Variants in DOCK10 observed in about 807,000 individuals in gnomAD.
DOCK10 encodes dedicator of cytokinesis protein 10.
Under a neutral mutation model 280.1 loss-of-function variants are expected in DOCK10, and 145 were observed. The observed-to-expected ratio is 0.52, with a 90% CI of 0.45 to 0.59. The LOEUF is 0.59. Among genes scored for constraint, DOCK10 ranks in the 20% least tolerant of loss-of-function variants. DOCK10 has a pLI of 0.00. For synonymous variants in DOCK10, 915 were observed against 942.2 expected, an observed-to-expected ratio of 0.97 and a Z score of 0.53; for missense variants, 2,368 against 2,651.7, an observed-to-expected ratio of 0.89 and a Z score of 2.35.
intron 1 of DOCK10, among the ~76,000 whole-genome samples, chr2:224,991,464 T>C (rs1230038949): frequency 6.6e-6 from 1 of 152,202 alleles, no homozygotes; most frequent in Non-Finnish European, 1.5e-5. Flanking sequence ...ATTATCATTA[T>C]TACAACTATT....
chr2:224,851,762 TA>T (rs1283621702), intron 18 of DOCK10, among the ~76,000 whole-genome samples: 2 of 152,154 alleles, frequency 1.3e-5, no homozygotes, highest in Non-Finnish European at 2.9e-5. Flanking sequence ...ATCCCTAAAA[TA>T]AAAACCACAT....
At chr2:224,935,959 G>C (rs1702666565) in intron 1 of DOCK10, among the ~76,000 whole-genome samples, 2 of 152,150 alleles carry the variant, frequency 1.3e-5, no homozygotes, top group South Asian at 2.1e-4. Context: ...TAACAAGATG[G>C]AGAAAATATA....
chr2:224,814,439 G>T, intron 30 of DOCK10, 75 bp from the exon 31 acceptor site: 1 of 749,610 alleles, frequency 1.3e-6, no homozygotes, highest in East Asian at 3.1e-5. Context: ...ATTATGTGTA[G>T]TTTATACTGA....
intron 28 of DOCK10, among the ~76,000 whole-genome samples, chr2:224,820,396 A>G (rs1296242837): frequency 6.6e-6 from 1 of 152,238 alleles, no homozygotes; most frequent in African/African-American, 2.4e-5. Context: ...ATAGTTCCCA[A>G]CGCAGGATCT....
At chr2:225,020,268 A>T (rs1365719778) in intron 1 of DOCK10, among the ~76,000 whole-genome samples, 1 of 152,120 alleles carries the variant, frequency 6.6e-6, no homozygotes, top group East Asian at 1.9e-4. Flanking sequence ...TGTCCTTGAC[A>T]TTTTGTGGAG....
At chr2:224,985,928 T>C (rs548211862) in intron 1 of DOCK10, among the ~76,000 whole-genome samples, 6 of 152,366 alleles carry the variant, frequency 3.9e-5, no homozygotes, top group East Asian at 1.9e-4. Context: ...ATAATGTCCA[T>C]TGAAAGTGTT....
intron 1 of DOCK10, among the ~76,000 whole-genome samples, chr2:224,985,635 A>T (rs369964920): frequency 1.3e-5 from 2 of 151,618 alleles, no homozygotes; most frequent in African/African-American, 4.8e-5. Flanking sequence ...AGGAGGAAAA[A>T]AAAAAAGAGA....
chr2:224,801,084 T>C lies in DOCK10; in HGVS notation c.4394-821A>G, dbSNP rs943096732. On this transcript the variant is annotated intron_variant, in intron 40 of 55. Coordinates refer to ENST00000258390, the MANE Select transcript of DOCK10 (RefSeq NM_014689.3). ...ATTGTGGAGACCAACATTCTTATTATGTAGATGAAGCCTCCAGATGGCAGA... is the reference window on the plus strand; with the variant it reads ...ATTGTGGAGACCAACATTCTTATTACGTAGATGAAGCCTCCAGATGGCAGA... 4.6e-5 allele frequency among the ~76,000 whole-genome samples: 7 copies of C among 152,010 alleles called. No individual in the cohort carries two copies. In the South Asian group the frequency reaches 1.0e-3, roughly 23 times the overall value.
In DOCK10 at chr2:225,042,287, C is replaced by T. The variant is rs567526383; in HGVS notation, c.88G>A (p.Ala30Thr). Residue 30 changes from alanine to threonine, a missense_variant, in exon 1 of 56, where the codon GCC (alanine) becomes ACC (threonine). Transcript: ENST00000258390. This position sits in a 1 kb window ranked among gnomAD's most constrained non-coding sequence, Gnocchi z 5.1. ...TGCCGGCTGCTGACTGCCACCGCGG[C>T]GGCGGACGCGGCGCTGTGCCGGAGC... Reference protein sequence around the residue: ...AELRHSAASAAAVAVSSRQQQ... With the variant: ...AELRHSAASATAVAVSSRQQQ... 7.6e-5 allele frequency: 102 copies of T among 1,341,420 alleles called. No homozygotes were observed. The highest frequency in any genetic ancestry group is 6.1e-4 in the South Asian group (32 of 52,688). The allele number at this position is 1,341,420 out of a possible 1,614,324, so 83.1% of individuals were successfully genotyped here. A position where few individuals can be genotyped will look rare whatever the true frequency, so the allele number is the denominator to read the frequency against.
intron 1 of DOCK10, among the ~76,000 whole-genome samples, chr2:224,986,400 A>G (rs935309170): frequency 1.3e-5 from 2 of 152,164 alleles, no homozygotes; most frequent in African/African-American, 4.8e-5. Context: ...CATGATCAGA[A>G]CTTATTTATA....
Position 224,811,336 on chromosome 2 carries a change from G to GT in DOCK10, c.3409+2983dup, listed in dbSNP as rs775619096. Among the ~76,000 whole-genome samples the GT allele has an allele frequency of 2.5e-3, 385 of 152,060 alleles. 2 individuals are homozygous for GT. The highest frequency in any genetic ancestry group is 3.5e-3 in the Non-Finnish European group (237 of 67,938). ...TGCCCACTTTTTGATGGGGTTGTTT[G>GT]TTTTTTTCTTGTAAATTTGTTTGAG... On this transcript the variant is annotated intron_variant, in intron 31 of 55. Coordinates refer to ENST00000258390, the MANE Select transcript of DOCK10 (RefSeq NM_014689.3).
intron 13 of DOCK10, among the ~76,000 whole-genome samples, chr2:224,863,311 C>G (rs1444389973): frequency 1.3e-5 from 2 of 152,160 alleles, no homozygotes; most frequent in African/African-American, 4.8e-5. Context: ...CCATAGTTTG[C>G]CAAACACTGA....
intron 1 of DOCK10, among the ~76,000 whole-genome samples, chr2:224,968,299 A>G (rs1704890402): frequency 6.6e-6 from 1 of 152,208 alleles, no homozygotes; most frequent in Non-Finnish European, 1.5e-5. Context: ...GGAACTAAGA[A>G]TAGTTTAAAC....
At chr2:224,892,397 C>CAAAAAAA (rs1174651393) in intron 4 of DOCK10, among the ~76,000 whole-genome samples, 29 of 52,222 alleles carry the variant, frequency 5.6e-4, no homozygotes, top group African/African-American at 9.3e-4. Context: ...GACCCTGTCT[C>CAAAAAAA]AAAAAAAAAA....
intron 50 of DOCK10, among the ~76,000 whole-genome samples, chr2:224,785,459 T>C (rs917515258): frequency 2.0e-5 from 3 of 152,206 alleles, no homozygotes; most frequent in Admixed American, 1.3e-4. Flanking sequence ...AGGTAGAAAG[T>C]ATCTGCCTTT....
At chr2:224,896,798 G>C (rs1474541380) in intron 3 of DOCK10, among the ~76,000 whole-genome samples, 1 of 152,158 alleles carries the variant, frequency 6.6e-6, no homozygotes, top group Non-Finnish European at 1.5e-5. Context: ...TTGTGCCTCT[G>C]GGGTGCTGTG....
intron 1 of DOCK10, among the ~76,000 whole-genome samples, chr2:225,011,916 A>G (rs1359048113): frequency 6.6e-6 from 1 of 152,212 alleles, no homozygotes; most frequent in Non-Finnish European, 1.5e-5. Context: ...GGCAAGCTCA[A>G]TGCACATACG....
chr2:224,865,284 C>T (rs1247037617), intron 11 of DOCK10, among the ~76,000 whole-genome samples, 197 bp from the exon 12 acceptor site: 1 of 152,150 alleles, frequency 6.6e-6, no homozygotes, highest in African/African-American at 2.4e-5. Flanking sequence ...TCTTTAGTTT[C>T]CCTGCCAAGA....
chr2:224,840,847 A>G lies in DOCK10; in HGVS notation c.2662-775T>C, dbSNP rs186201349. On this transcript the variant is annotated intron_variant, in intron 23 of 55. Transcript: ENST00000258390. ...GCACTATTCACTGCAGCCAAGATAC[A>G]GAATCAATCCAAGTGTCCATCAACC... Among the ~76,000 whole-genome samples, 714 of 152,330 alleles carry G rather than the reference A, an allele frequency of 4.7e-3. 6 individuals carry two copies. The highest frequency in any genetic ancestry group is 0.015 in the African/African-American group (640 of 41,574).
Sources: gnomAD v4.1 joint callset for allele counts (sites outside exome capture counted in the v4.1 genomes callset) on GRCh38, gnomAD v4.1.1 for gene constraint, Gnocchi (gnomAD v3.1) non-coding constraint, MANE v1.5 for transcripts, NCBI Gene and HGNC (gene_info 2026-07-23, HGNC 2026-07-21) for gene names.